NBPF15: variants seen among roughly 807,000 people sequenced by gnomAD.
The protein encoded by NBPF15 is NBPF family member NBPF15.
In NBPF15, 74 loss-of-function variants were observed where a neutral mutation model predicts 62.2. The observed-to-expected ratio is 1.19, with a 90% CI of 0.99 to 1.44. The LOEUF (loss-of-function observed/expected upper bound fraction) is 1.44, where lower values mean the gene tolerates loss of function less well. NBPF15 is among the 40% of genes most tolerant of loss of function. The pLI is 0.00. For synonymous variants in NBPF15, 244 were observed against 209.7 expected (o/e 1.16, Z -1.41); for missense variants, 790 against 550.0 (o/e 1.44, Z -4.36).
chr1:144,436,482 G>T (rs1203160761), intron 10 of NBPF15, among the ~76,000 whole-genome samples: 1 of 151,876 alleles, frequency 6.6e-6, no homozygotes, highest in African/African-American at 2.4e-5. Context: ...CAATTTGTCT[G>T]CCACGGAGAG....
Position 144,440,050 on chromosome 1 carries a change from A to G in NBPF15, c.-35-12T>C, listed in dbSNP as rs1305785633. 1.7e-4 allele frequency: 272 copies of G among 1,575,850 alleles called. 2 individuals carry two copies. In the African/African-American group the frequency reaches 3.2e-3, roughly 19 times the overall value. On this transcript the variant is annotated splice_polypyrimidine_tract_variant and intron_variant, in intron 7 of 21. Transcript: ENST00000581897. ...GGTGGAGTCAGGGACTGGGGAGAAG[A>G]AACCCAAACATATGATGGGTTAAAA...
chr1:144,445,340 T>TATAC (rs1459642110), intron 6 of NBPF15, among the ~76,000 whole-genome samples: 20 of 122,484 alleles, frequency 1.6e-4, no homozygotes, highest in African/African-American at 6.6e-4. Flanking sequence ...TGAATATATA[T>TATAC]ATATATATAT....
In NBPF15 at chr1:144,435,141, C is replaced by A; in HGVS notation, c.742G>T (p.Glu248Ter). Reference protein sequence around the residue: ...STLIGSSSHVEWEDAVHIIPE... With the variant: ...STLIGSSSHV ...ATAATGTGTACAGCATCCTCCCATTCAACATGAGAGGATGAGCCAATGAGA... is the reference window on the plus strand; with the variant it reads ...ATAATGTGTACAGCATCCTCCCATTAAACATGAGAGGATGAGCCAATGAGA... Residue 248 changes from glutamate (E) to a stop codon, truncating the protein, a stop_gained, in exon 12 of 22, where the codon GAA becomes TAA. Transcript: ENST00000581897. LOFTEE classifies it high-confidence loss of function. The A allele has an allele frequency of 1.2e-6, 2 of 1,612,942 alleles. No individual in the cohort carries two copies. The highest frequency in any genetic ancestry group is 1.1e-5 in the South Asian group (1 of 91,024).
At chr1:144,438,844 T>A (rs1226008410) in intron 8 of NBPF15, among the ~76,000 whole-genome samples, 2 of 151,906 alleles carry the variant, frequency 1.3e-5, no homozygotes, top group Non-Finnish European at 2.9e-5. Flanking sequence ...CAGTCCCTGC[T>A]CTGTACACTG....
At chr1:144,424,125 G>C (rs1451078088) in intron 20 of NBPF15, 150 bp from the exon 21 acceptor site, 1 of 726,268 alleles carries the variant, frequency 1.4e-6, no homozygotes, top group African/African-American at 1.7e-5. Context: ...TCTGAAGGCT[G>C]GTCATGATAT....
In NBPF15 at chr1:144,452,594, C is replaced by T. The variant is rs587696929; in HGVS notation, c.-431-1724G>A. Among the ~76,000 whole-genome samples, 8 of 151,064 alleles carry T rather than the reference C, an allele frequency of 5.3e-5. No individual in the cohort carries two copies. The East Asian group carries it at 1.6e-3, about 29-fold the overall frequency. On this transcript the variant is annotated intron_variant, in intron 4 of 21. Coordinates refer to ENST00000581897, the MANE Select transcript of NBPF15 (RefSeq NM_001385408.1). ...AAGTAGAACTCTGCTGATGGCTGCA[C>T]AATTCGATAAATCAACTTACATCAT... is the stretch of plus-strand genomic sequence containing the variant.
intron 11 of NBPF15, 82 bp from the exon 12 acceptor site, chr1:144,435,398 A>G: frequency 2.1e-6 from 3 of 1,416,888 alleles, no homozygotes; most frequent in African/African-American, 1.4e-5. Context: ...TGGTTTTGAC[A>G]GGCGGCATTA....
At chr1:144,452,389 T>C (rs1403298571) in intron 4 of NBPF15, among the ~76,000 whole-genome samples, 3 of 151,898 alleles carry the variant, frequency 2.0e-5, no homozygotes, top group Admixed American at 1.3e-4. Flanking sequence ...ATCTCTTCTC[T>C]ACTTGTCACA....
intron 21 of NBPF15, among the ~76,000 whole-genome samples, chr1:144,423,495 T>C (rs1553538686): frequency 6.6e-6 from 1 of 151,612 alleles, no homozygotes; most frequent in Non-Finnish European, 1.5e-5. Context: ...GAAAGTGAGC[T>C]AGTGAATTGC....
chr1:144,445,855 T>TC, intron 6 of NBPF15, among the ~76,000 whole-genome samples: 1 of 117,120 alleles, frequency 8.5e-6, no homozygotes, highest in Non-Finnish European at 1.6e-5. Flanking sequence ...TGACTTTCCT[T>TC]TTTTTTTTTT....
At chr1:144,424,904 C>G (rs1668483077) in intron 19 of NBPF15, 42 bp from the exon 20 acceptor site, 1 of 539,652 alleles carries the variant, frequency 1.9e-6, no homozygotes, top group East Asian at 3.2e-5. Context: ...CAGGGGAAAT[C>G]AGACACAACA....
At chr1:144,433,130 A>G (rs1184000998) in intron 13 of NBPF15, among the ~76,000 whole-genome samples, 92 of 152,152 alleles carry the variant, frequency 6.0e-4, no homozygotes, top group African/African-American at 2.0e-3. Flanking sequence ...TCAAATTAGA[A>G]CCCAGGATTA....
Position 144,421,560 on chromosome 1 carries a change from A to G in NBPF15, c.*1453T>C, listed in dbSNP as rs1480737977. 2.0e-5 allele frequency: 3 copies of G among 151,514 alleles called. No individual in the cohort carries two copies. The highest frequency in any genetic ancestry group is 7.3e-5 in the African/African-American group (3 of 41,218). The allele number at this position is 151,514 out of a possible 1,614,324, so 9.4% of individuals were successfully genotyped here. A position where few individuals can be genotyped will look rare whatever the true frequency, so the allele number is the denominator to read the frequency against. On this transcript the variant is annotated 3_prime_UTR_variant, in exon 22 of 22. Coordinates refer to ENST00000581897, the MANE Select transcript of NBPF15 (RefSeq NM_001385408.1). ...TTTGGACAAAAATTAAAACTCAGGC[A>G]GAGAATGTTTTCTTCTTTTTGCAAC...
At chr1:144,428,572 A>T in intron 15 of NBPF15, 34 bp downstream of exon 15, 2 of 773,264 alleles carry the variant, frequency 2.6e-6, no homozygotes, top group South Asian at 2.7e-5. Flanking sequence ...AGGTGTCAAC[A>T]TCAAATTAAC....
At chr1:144,458,901 C>T (rs1391825351) in intron 3 of NBPF15, among the ~76,000 whole-genome samples, 2 of 151,554 alleles carry the variant, frequency 1.3e-5, no homozygotes, top group Non-Finnish European at 2.9e-5. Context: ...TTAAGCCAGG[C>T]ATGGTGGCAC....
chr1:144,441,406 G>A (rs1312147180), intron 6 of NBPF15, among the ~76,000 whole-genome samples: 4 of 151,340 alleles, frequency 2.6e-5, no homozygotes, highest in Admixed American at 6.6e-5. Flanking sequence ...CATGCCTAAT[G>A]TTCATTTAGA....
intron 6 of NBPF15, among the ~76,000 whole-genome samples, chr1:144,443,654 T>C (rs1685152079): frequency 1.3e-5 from 2 of 152,008 alleles, no homozygotes; most frequent in South Asian, 4.2e-4. Flanking sequence ...TTGTTAAGCA[T>C]GTAATGATTC....
rs373810904 is a variant in NBPF15, at chr1:144,423,686, T to G, written c.1769+184A>C. Among the ~76,000 whole-genome samples, 56 of 152,068 alleles carry G rather than the reference T, an allele frequency of 3.7e-4. 1 individual carries two copies. The highest frequency in any genetic ancestry group is 4.3e-4 in the African/African-American group (18 of 41,482). ...GTATGGTCAACCTATGGTACGTTAGTAAATGATAAGGGGAGGAAGAAATGG... is the reference window on the plus strand; with the variant it reads ...GTATGGTCAACCTATGGTACGTTAGGAAATGATAAGGGGAGGAAGAAATGG... On this transcript the variant is annotated intron_variant, in intron 21 of 21. Transcript: ENST00000581897.
At chr1:144,457,746 C>T (rs1255298479) in intron 3 of NBPF15, among the ~76,000 whole-genome samples, 2 of 151,862 alleles carry the variant, frequency 1.3e-5, no homozygotes, top group Non-Finnish European at 2.9e-5. Flanking sequence ...TAAATAATAG[C>T]TGTAAGAGAT....
Sources: gnomAD v4.1 joint callset for allele counts (sites outside exome capture counted in the v4.1 genomes callset) on GRCh38, gnomAD v4.1.1 for gene constraint, MANE v1.5 for transcripts, NCBI Gene and HGNC (gene_info 2026-07-23, HGNC 2026-07-21) for gene names.